The following ASAP3 variants were observed in gnomAD, a reference collection of about 807,000 sequenced individuals.
ASAP3 encodes the protein arf-GAP with SH3 domain, ANK repeat and PH domain-containing protein 3.
In ASAP3, 85 loss-of-function variants were observed where a neutral mutation model predicts 118.2. The observed-to-expected ratio is 0.72, with a 90% CI of 0.60 to 0.86. The LOEUF (loss-of-function observed/expected upper bound fraction) is 0.86. Among genes scored for constraint, ASAP3 ranks in the 40% least tolerant of loss-of-function variants. The probability of loss-of-function intolerance (pLI) is 0.00; values close to 1 mark genes in which losing one functional copy is unlikely to be tolerated. For missense variants in ASAP3, 1,026 were observed against 1,175.0 expected, an observed-to-expected ratio of 0.87 and a Z score of 1.85; for synonymous variants, 432 against 477.4, an observed-to-expected ratio of 0.90 and a Z score of 1.24.
chr1:23,466,783 C>T (rs1255586820), intron 1 of ASAP3, among the ~76,000 whole-genome samples: 1 of 152,228 alleles, frequency 6.6e-6, no homozygotes, highest in Non-Finnish European at 1.5e-5. Flanking sequence ...TACATTTCAC[C>T]ATTAGACATT....
chr1:23,456,101 G>A lies in ASAP3; in HGVS notation c.202+21C>T, dbSNP rs772036691. 4 of 1,614,086 alleles carry A rather than the reference G, an allele frequency of 2.5e-6. No homozygotes were observed. The South Asian group carries it at 4.4e-5, about 18-fold the overall frequency. ...GAGAGGGGCTTCCTGACCAGGCGGG[G>A]CACCCAGGAGGCTCACTTACCAAGG... On this transcript the variant is annotated intron_variant, in intron 2 of 24. Coordinates refer to ENST00000336689, the MANE Select transcript of ASAP3 (RefSeq NM_017707.4).
At chr1:23,435,376 A>G (rs990760780) in intron 17 of ASAP3, among the ~76,000 whole-genome samples, 3 of 152,222 alleles carry the variant, frequency 2.0e-5, no homozygotes, top group African/African-American at 4.8e-5. Flanking sequence ...CTGTTGATTT[A>G]CTTTTTCAAA....
Position 23,437,159 on chromosome 1 carries a change from T to G in ASAP3, c.1313A>C (p.Asn438Thr), listed in dbSNP as rs1375059299. The G allele has an allele frequency of 6.2e-7, 1 of 1,608,142 alleles. No homozygotes were observed. Among genetic ancestry groups the G allele is most frequent in the Non-Finnish European group, 8.5e-7 (1 of 1,177,666 alleles). The change falls in exon 14 of 25, where the codon AAT (asparagine) becomes ACT (threonine). Residue 438 changes from asparagine to threonine, a missense_variant. Coordinates refer to ENST00000336689, the MANE Select transcript of ASAP3 (RefSeq NM_017707.4). The surrounding 1 kb of genome is among the most constrained non-coding windows in gnomAD (Gnocchi z 6.1). ...AGCCCCGCAGTCGCAGCACTGGCTATTCCCAGGCCTGCTCTTCACCTCCGC... is the reference window on the plus strand; with the variant it reads ...AGCCCCGCAGTCGCAGCACTGGCTAGTCCCAGGCCTGCTCTTCACCTCCGC... ...LIAEVKSRPG[N>T]SQCCDCGAAD... is the part of the protein sequence containing the mutation.
Position 23,434,366 on chromosome 1 carries a change from A to AC in ASAP3, c.1838dup (p.His614SerfsTer8), listed in dbSNP as rs751058603. On this transcript the variant is annotated frameshift_variant, in exon 19 of 25. Coordinates refer to ENST00000336689, the MANE Select transcript of ASAP3 (RefSeq NM_017707.4). LOFTEE classifies it high-confidence loss of function. ...CGTCAGCAGCCTTGGCATCCAGGTG[A>AC]CCACTGGGGAGAGGAGGGTTCAGGG... The AC allele has an allele frequency of 1.2e-6, 2 of 1,614,140 alleles. No homozygotes were observed. The highest frequency in any genetic ancestry group is 1.7e-6 in the Non-Finnish European group (2 of 1,180,018).
At chr1:23,475,752 C>T (rs180739032) in intron 1 of ASAP3, among the ~76,000 whole-genome samples, 2 of 152,306 alleles carry the variant, frequency 1.3e-5, no homozygotes, top group African/African-American at 4.8e-5. Flanking sequence ...AAGAGGATCA[C>T]TTAAGCCCAA....
chr1:23,432,485 T>G (rs1187661283), intron 22 of ASAP3, among the ~76,000 whole-genome samples: 2 of 152,226 alleles, frequency 1.3e-5, no homozygotes, highest in African/African-American at 4.8e-5. Flanking sequence ...TTCACTCATA[T>G]GCTATCCTCA....
chr1:23,461,700 A>AG (rs1187741884), intron 1 of ASAP3, among the ~76,000 whole-genome samples: 1 of 151,682 alleles, frequency 6.6e-6, no homozygotes, highest in African/African-American at 2.4e-5. Flanking sequence ...AAAAGAAAAA[A>AG]GGGGAATGCA....
chr1:23,452,483 C>T (rs1259154026), intron 4 of ASAP3, among the ~76,000 whole-genome samples: 1 of 152,140 alleles, frequency 6.6e-6, no homozygotes, highest in Non-Finnish European at 1.5e-5. Flanking sequence ...GTAAGATTTA[C>T]ATGACATGTT....
At chr1:23,453,177 C>T (rs1641278541) in intron 3 of ASAP3, among the ~76,000 whole-genome samples, 1 of 152,200 alleles carries the variant, frequency 6.6e-6, no homozygotes, top group Non-Finnish European at 1.5e-5. Context: ...CCCTTCTCCT[C>T]TCTGACTCTC....
intron 1 of ASAP3, among the ~76,000 whole-genome samples, chr1:23,472,803 ATGCT>A (rs1168381760): frequency 6.6e-6 from 1 of 152,192 alleles, no homozygotes; most frequent in African/African-American, 2.4e-5. Context: ...TGCTAGGTTC[ATGCT>A]TGCTAGATTT....
intron 1 of ASAP3, among the ~76,000 whole-genome samples, chr1:23,476,949 G>C (rs1388465287): frequency 2.0e-5 from 3 of 151,636 alleles, no homozygotes; most frequent in African/African-American, 7.3e-5. Flanking sequence ...TAAATACTAG[G>C]GACACAACAG....
intron 1 of ASAP3, among the ~76,000 whole-genome samples, chr1:23,477,714 T>C (rs1642178517): frequency 6.6e-6 from 1 of 152,108 alleles, no homozygotes; most frequent in African/African-American, 2.4e-5. Flanking sequence ...TTCTTTCTGT[T>C]TGTTTTGTTT....
rs995469429 is a variant in ASAP3 at position 23,456,824 on chromosome 1, C to T, written c.130-630G>A. On this transcript the variant is annotated intron_variant, in intron 1 of 24. Transcript: ENST00000336689. ...AGAGGGGTTGGAGGCATTCAGTTAC[C>T]TGAGTCTGGGGAGATGGCAGAGGGT... is the stretch of plus-strand genomic sequence containing the variant. Among the ~76,000 whole-genome samples the T allele has an allele frequency of 3.3e-5, 5 of 152,076 alleles. No individual in the cohort carries two copies. The South Asian group carries it at 8.3e-4, about 25-fold the overall frequency.
rs1457144624 is a variant in ASAP3 at position 23,484,149 on chromosome 1, G to T, written c.-16C>A. The T allele has an allele frequency of 7.9e-7, 1 of 1,259,142 alleles. No individual in the cohort carries two copies. The allele number at this position is 1,259,142 out of a possible 1,614,324, so 78.0% of individuals were successfully genotyped here. A position where few individuals can be genotyped will look rare whatever the true frequency, so the allele number is the denominator to read the frequency against. On this transcript the variant is annotated 5_prime_UTR_variant, in exon 1 of 25. Transcript: ENST00000336689. Reference sequence around the variant, plus strand: ...GCTCCGGCATGGCGGGCGCGAGCGTGGAGCTGCCGGAGCGGGGCGCGGGGG... The same window carrying T: ...GCTCCGGCATGGCGGGCGCGAGCGTTGAGCTGCCGGAGCGGGGCGCGGGGG...
chr1:23,436,907 T>TCACCAA lies in ASAP3; in HGVS notation c.1474_1476+3dup. 6.3e-7 allele frequency: 1 copy of TCACCAA among 1,598,540 alleles called. No homozygotes were observed. Among genetic ancestry groups the TCACCAA allele is most frequent in the Non-Finnish European group, 8.5e-7 (1 of 1,173,470 alleles). ...GCCCCTTCCAGGCCCCGCCCCGCCC[T>TCACCAA]CACCAACAACTCGGAGGGGCCCAGC... is the stretch of plus-strand genomic sequence containing the variant. On this transcript the variant is annotated splice_donor_region_variant and intron_variant, in intron 15 of 24. Coordinates refer to ENST00000336689, the MANE Select transcript of ASAP3 (RefSeq NM_017707.4). This position sits in a 1 kb window ranked among gnomAD's most constrained non-coding sequence, Gnocchi z 4.2.
At chr1:23,440,225 G>C (rs994487343) in intron 10 of ASAP3, among the ~76,000 whole-genome samples, 2 of 151,306 alleles carry the variant, frequency 1.3e-5, no homozygotes, top group Non-Finnish European at 2.9e-5. Context: ...GCATAGGCTG[G>C]GCGCAGTGGC....
intron 1 of ASAP3, among the ~76,000 whole-genome samples, chr1:23,482,159 G>A (rs888598195): frequency 1.3e-5 from 2 of 152,240 alleles, no homozygotes; most frequent in East Asian, 3.8e-4. Flanking sequence ...TGAGACAAAT[G>A]AAGACAAAAG....
chr1:23,474,366 C>T (rs1483515662), intron 1 of ASAP3, among the ~76,000 whole-genome samples: 2 of 152,054 alleles, frequency 1.3e-5, no homozygotes, highest in Non-Finnish European at 2.9e-5. Flanking sequence ...CTAACAGAGC[C>T]GAGCACCCCT....
chr1:23,467,778 C>T (rs538646373), intron 1 of ASAP3, among the ~76,000 whole-genome samples: 8 of 151,600 alleles, frequency 5.3e-5, no homozygotes, highest in East Asian at 1.9e-4. Context: ...GGTGAAACTC[C>T]GTCTCTACTA....
Sources: allele counts gnomAD v4.1 joint callset (sites outside exome capture counted in the v4.1 genomes callset), GRCh38; gene constraint gnomAD v4.1.1; non-coding constraint Gnocchi (gnomAD v3.1); transcripts MANE v1.5; gene names NCBI Gene and HGNC (gene_info 2026-07-23, HGNC 2026-07-21).